The following ZMAT4 variants were observed in gnomAD, a reference collection of about 807,000 sequenced individuals.
ZMAT4 encodes the protein zinc finger matrin-type 4.
In ZMAT4, 17 loss-of-function variants were observed where a neutral mutation model predicts 28.7. The ratio of observed to expected loss-of-function variants is 0.59; its 90% CI spans 0.41 to 0.89. The LOEUF (loss-of-function observed/expected upper bound fraction) is 0.89. ZMAT4 is among the 40% of genes least tolerant of loss of function. The probability of loss-of-function intolerance (pLI) is 0.00; values close to 1 mark genes in which losing one functional copy is unlikely to be tolerated. For synonymous variants in ZMAT4, 117 were observed against 109.2 expected (o/e 1.07, Z -0.44); for missense variants, 240 against 283.8 (o/e 0.85, Z 1.11).
At chr8:40,762,613 G>A (rs1812987236) in intron 3 of ZMAT4, among the ~76,000 whole-genome samples, 1 of 152,046 alleles carries the variant, frequency 6.6e-6, no homozygotes, top group African/African-American at 2.4e-5. Flanking sequence ...CTATAATCAT[G>A]CCACTGCATT....
intron 1 of ZMAT4, among the ~76,000 whole-genome samples, chr8:40,849,193 T>C (rs1586163997): frequency 6.6e-6 from 1 of 152,330 alleles, no homozygotes; most frequent in African/African-American, 2.4e-5. Flanking sequence ...GTGGGAGGAA[T>C]TGACAAAGCC....
chr8:40,877,634 A>C (rs1466716193), intron 1 of ZMAT4, among the ~76,000 whole-genome samples: 1 of 152,244 alleles, frequency 6.6e-6, no homozygotes, highest in Non-Finnish European at 1.5e-5. Flanking sequence ...GATGTGTTTG[A>C]ACACATTCAA....
intron 5 of ZMAT4, among the ~76,000 whole-genome samples, chr8:40,638,443 C>A (rs975466303): frequency 6.6e-6 from 1 of 152,184 alleles, no homozygotes. Flanking sequence ...TTCCACAGTT[C>A]AAGTAAGGGT....
At chr8:40,867,973 G>C (rs1817731706) in intron 1 of ZMAT4, among the ~76,000 whole-genome samples, 1 of 151,876 alleles carries the variant, frequency 6.6e-6, no homozygotes, top group African/African-American at 2.4e-5. Context: ...TATTTTTCTG[G>C]TTGTCTCCAC....
chr8:40,817,163 T>G (rs917485505), intron 2 of ZMAT4, among the ~76,000 whole-genome samples: 5 of 152,174 alleles, frequency 3.3e-5, no homozygotes, highest in Non-Finnish European at 5.9e-5. Flanking sequence ...AGGAGAGAAT[T>G]GTTTTGTTAC....
chr8:40,565,708 C>T (rs1240551081), intron 6 of ZMAT4, among the ~76,000 whole-genome samples: 1 of 151,732 alleles, frequency 6.6e-6, no homozygotes, highest in Non-Finnish European at 1.5e-5. Context: ...ATCTGACATC[C>T]CTCCTAGATC....
intron 2 of ZMAT4, among the ~76,000 whole-genome samples, chr8:40,823,923 G>A (rs574211430): frequency 6.6e-6 from 1 of 152,180 alleles, no homozygotes; most frequent in East Asian, 1.9e-4. Flanking sequence ...TGCTGCAAAG[G>A]AATTAATGAT....
At chr8:40,639,624 GAACA>G (rs1398016699) in intron 5 of ZMAT4, among the ~76,000 whole-genome samples, 2 of 57,918 alleles carry the variant, frequency 3.5e-5, no homozygotes, top group Non-Finnish European at 9.1e-5. Flanking sequence ...CAGAAGGCAA[GAACA>G]CACACACACA....
At chr8:40,772,542 G>C (rs143984132) in intron 2 of ZMAT4, among the ~76,000 whole-genome samples, 2 of 152,152 alleles carry the variant, frequency 1.3e-5, no homozygotes, top group African/African-American at 4.8e-5. Flanking sequence ...ATCATAAAAC[G>C]TGGCGATAAC....
At chr8:40,647,370 G>A (rs1026573443) in intron 5 of ZMAT4, among the ~76,000 whole-genome samples, 1 of 152,226 alleles carries the variant, frequency 6.6e-6, no homozygotes, top group Non-Finnish European at 1.5e-5. Flanking sequence ...TTTCTGACGG[G>A]CTTAAAACAC....
chr8:40,820,811 GTGTGTGTATGTGTATGTTTA>G (rs937772444), intron 2 of ZMAT4, among the ~76,000 whole-genome samples: 1 of 17,654 alleles, frequency 5.7e-5, no homozygotes, highest in African/African-American at 1.9e-4. Flanking sequence ...ATATGTGTGG[GTGTGTGTATGTGTATGTTTA>G]TGTGTGTATG....
At chr8:40,893,315 G>A (rs565682006) in intron 1 of ZMAT4, among the ~76,000 whole-genome samples, 1 of 152,322 alleles carries the variant, frequency 6.6e-6, no homozygotes, top group South Asian at 2.1e-4. Context: ...GGGATGTAGG[G>A]CTCTGTGGCA....
At chr8:40,885,693 T>C (rs1818427505) in intron 1 of ZMAT4, among the ~76,000 whole-genome samples, 1 of 152,092 alleles carries the variant, frequency 6.6e-6, no homozygotes, top group African/African-American at 2.4e-5. Context: ...ATCCCAGTGG[T>C]TCAAGGAAGC....
chr8:40,633,889 G>A (rs766085530), intron 5 of ZMAT4, among the ~76,000 whole-genome samples: 18 of 152,086 alleles, frequency 1.2e-4, no homozygotes, highest in Non-Finnish European at 2.5e-4. Flanking sequence ...GCCCGTTTTC[G>A]GAAAGCAGCT....
intron 1 of ZMAT4, among the ~76,000 whole-genome samples, chr8:40,872,909 C>G (rs1415769871): frequency 6.6e-6 from 1 of 151,950 alleles, no homozygotes; most frequent in Non-Finnish European, 1.5e-5. Flanking sequence ...AAACACAGAC[C>G]ACTAGAGCCG....
intron 2 of ZMAT4, chr8:40,808,597 C>T: frequency 2.2e-6 from 1 of 454,804 alleles, no homozygotes; most frequent in Non-Finnish European, 4.4e-6. Flanking sequence ...AAGTGCTGAG[C>T]TTCACTCAAT....
intron 2 of ZMAT4, among the ~76,000 whole-genome samples, chr8:40,788,381 G>A (rs1465599748): frequency 1.3e-5 from 2 of 152,100 alleles, no homozygotes; most frequent in African/African-American, 4.8e-5. Context: ...TCAGGAGATC[G>A]AGATCATCCT....
chr8:40,741,017 C>T (rs1248964826), intron 3 of ZMAT4, among the ~76,000 whole-genome samples: 2 of 151,856 alleles, frequency 1.3e-5, no homozygotes, highest in Admixed American at 6.6e-5. Context: ...CACACACACA[C>T]ACACGCACAC....
chr8:40,870,774 G>T (rs888418888), intron 1 of ZMAT4, among the ~76,000 whole-genome samples: 2 of 152,292 alleles, frequency 1.3e-5, no homozygotes, highest in Non-Finnish European at 2.9e-5. Flanking sequence ...ACTCAATAAA[G>T]CCATTTTATA....
Sources: gnomAD v4.1 joint callset for allele counts (sites outside exome capture counted in the v4.1 genomes callset) on GRCh38, gnomAD v4.1.1 for gene constraint, MANE v1.5 for transcripts, NCBI Gene and HGNC (gene_info 2026-07-23, HGNC 2026-07-21) for gene names.